The following VMP1 variants were observed in gnomAD, a reference collection of about 807,000 sequenced individuals.
VMP1 encodes ectopic P-granules autophagy protein 3 homolog.
A neutral mutation model predicts 56.0 loss-of-function variants in VMP1; 11 were observed. The observed-to-expected ratio is 0.20, with a 90% CI of 0.12 to 0.32. VMP1 has a LOEUF of 0.32. Ranked by LOEUF, VMP1 falls within the 10% of genes least tolerant of loss-of-function variation. The probability of loss-of-function intolerance (pLI) is 1.00; values close to 1 mark genes in which losing one functional copy is unlikely to be tolerated. For missense variants in VMP1, 296 were observed against 490.3 expected, an observed-to-expected ratio of 0.60 and a Z score of 3.74; for synonymous variants, 149 against 165.0, an observed-to-expected ratio of 0.90 and a Z score of 0.74.
chr17:59,773,879 T>G lies in VMP1; in HGVS notation c.708T>G (p.Ser236=). 1 of 1,611,178 alleles carries G rather than the reference T, an allele frequency of 6.2e-7. No individual in the cohort carries two copies. The highest frequency in any genetic ancestry group is 1.3e-5 in the African/African-American group (1 of 74,800). The change falls in exon 7 of 12, where the codon TCT becomes TCG. Residue 236 remains serine (S), a synonymous_variant. Coordinates refer to ENST00000262291, the MANE Select transcript of VMP1 (RefSeq NM_030938.5). ...AAGAGATGCTGGAACATGCAGAGTC[T>G]GCACAAGTAAGAACAGTGGGGATAG... ...EFEEMLEHAE[S]AQDFASRAKL...
At chr17:59,789,154 G>A (rs1487041689) in intron 7 of VMP1, among the ~76,000 whole-genome samples, 1 of 151,282 alleles carries the variant, frequency 6.6e-6, no homozygotes, top group Non-Finnish European at 1.5e-5. Flanking sequence ...GCCTGGCGTG[G>A]TGGCACGCAC....
intron 10 of VMP1, among the ~76,000 whole-genome samples, chr17:59,836,002 A>G (rs531503558): frequency 6.6e-6 from 1 of 150,802 alleles, no homozygotes; most frequent in East Asian, 1.9e-4. Context: ...CTGCCTCCCT[A>G]ATATAAGTCT....
At chr17:59,819,539 C>T (rs912601074) in intron 10 of VMP1, among the ~76,000 whole-genome samples, 2 of 152,120 alleles carry the variant, frequency 1.3e-5, no homozygotes, top group African/African-American at 2.4e-5. Context: ...CTACAACCTC[C>T]GCCTCCCAGG....
At chr17:59,772,049 T>C (rs941728332) in intron 6 of VMP1, among the ~76,000 whole-genome samples, 2 of 151,952 alleles carry the variant, frequency 1.3e-5, no homozygotes, top group Non-Finnish European at 2.9e-5. Context: ...AGTCTCGCTT[T>C]GTCACCCATA....
At chr17:59,794,177 C>T (rs1311105879) in intron 7 of VMP1, among the ~76,000 whole-genome samples, 2 of 149,756 alleles carry the variant, frequency 1.3e-5, no homozygotes, top group Non-Finnish European at 3.0e-5. Flanking sequence ...GCCTCAGCCT[C>T]CCAAAGTGCT....
At chr17:59,838,125 TA>T in intron 10 of VMP1, 169 bp from the exon 11 acceptor site, 1 of 213,114 alleles carries the variant, frequency 4.7e-6, no homozygotes, top group South Asian at 1.5e-4. Context: ...TTTTTTTAAC[TA>T]AAAAGGGGTC....
intron 7 of VMP1, among the ~76,000 whole-genome samples, chr17:59,795,685 T>G (rs140200522): frequency 2.4e-4 from 37 of 151,910 alleles, no homozygotes; most frequent in African/African-American, 8.7e-4. Context: ...ATAATAAAAT[T>G]TAAAACAAAA....
At chr17:59,765,171 T>C (rs1410438188) in intron 6 of VMP1, 33 bp downstream of exon 6, 1 of 1,605,078 alleles carries the variant, frequency 6.2e-7, no homozygotes, top group Non-Finnish European at 8.5e-7. Context: ...TGTTTAAAAC[T>C]AACCTCACCA....
intron 5 of VMP1, 82 bp from the exon 6 acceptor site, chr17:59,764,889 G>A (rs2036178436): frequency 9.5e-7 from 1 of 1,055,942 alleles, no homozygotes; most frequent in Non-Finnish European, 1.3e-6. Flanking sequence ...TTCTTACACA[G>A]TAATTAATAT....
chr17:59,745,801 TG>T (rs2035402903), intron 5 of VMP1, among the ~76,000 whole-genome samples: 1 of 152,198 alleles, frequency 6.6e-6, no homozygotes, highest in South Asian at 2.1e-4. Context: ...AGTAGTCTGG[TG>T]AAAAATATGG....
intron 6 of VMP1, among the ~76,000 whole-genome samples, chr17:59,771,590 T>G (rs2036424960): frequency 6.6e-6 from 1 of 150,960 alleles, no homozygotes; most frequent in African/African-American, 2.4e-5. Flanking sequence ...CATTACAGTG[T>G]TTTTTGGTTT....
intron 7 of VMP1, among the ~76,000 whole-genome samples, chr17:59,788,668 G>A (rs1214647073): frequency 6.6e-6 from 1 of 151,640 alleles, no homozygotes; most frequent in Non-Finnish European, 1.5e-5. Flanking sequence ...TTAGCTGGGT[G>A]TGCTGGCGGG....
chr17:59,736,354 G>C (rs1012348572), intron 3 of VMP1, among the ~76,000 whole-genome samples: 4 of 150,640 alleles, frequency 2.7e-5, no homozygotes, highest in Non-Finnish European at 5.9e-5. Flanking sequence ...AGTGAACCGA[G>C]ATCATGCCAC....
chr17:59,751,985 T>C (rs1024026283), intron 5 of VMP1, among the ~76,000 whole-genome samples: 10 of 152,000 alleles, frequency 6.6e-5, no homozygotes, highest in African/African-American at 2.4e-4. Flanking sequence ...AGCTGGGTTT[T>C]TTTTAGGGGT....
intron 7 of VMP1, chr17:59,784,685 A>G (rs544329733): frequency 6.6e-6 from 1 of 152,360 alleles, no homozygotes; most frequent in African/African-American, 2.4e-5. Flanking sequence ...GTAGCATTAC[A>G]TGAAACATGT....
intron 6 of VMP1, among the ~76,000 whole-genome samples, chr17:59,770,381 T>C (rs145743732): frequency 2.0e-5 from 3 of 152,302 alleles, no homozygotes; most frequent in African/African-American, 4.8e-5. Flanking sequence ...TAGTATTAAC[T>C]AATAGTTTAT....
intron 10 of VMP1, among the ~76,000 whole-genome samples, chr17:59,823,750 C>CA (rs976122886): frequency 4.6e-4 from 64 of 137,814 alleles, no homozygotes; most frequent in East Asian, 1.7e-3. Context: ...GACTCTGCCT[C>CA]AAAAAAAAAA....
chr17:59,796,473 A>G (rs1009809319), intron 7 of VMP1, among the ~76,000 whole-genome samples: 2 of 152,230 alleles, frequency 1.3e-5, no homozygotes, highest in Middle Eastern at 6.3e-3. Flanking sequence ...TACCTTGCAC[A>G]TAGTAGTTAT....
At chr17:59,768,214 G>T (rs969154395) in intron 6 of VMP1, among the ~76,000 whole-genome samples, 2 of 151,992 alleles carry the variant, frequency 1.3e-5, no homozygotes, top group Admixed American at 1.3e-4. Flanking sequence ...TTCCTTCTTT[G>T]TAACTGTCTC....
Sources: allele counts gnomAD v4.1 joint callset (sites outside exome capture counted in the v4.1 genomes callset), GRCh38; gene constraint gnomAD v4.1.1; transcripts MANE v1.5; gene names NCBI Gene and HGNC (gene_info 2026-07-23, HGNC 2026-07-21).